Variants in SEMA3D observed in about 807,000 individuals in gnomAD.
SEMA3D encodes semaphorin 3D, also known as semaphorin-3D.
In SEMA3D, 84 loss-of-function variants were observed where a neutral mutation model predicts 100.1. That is an observed-to-expected ratio of 0.84 (90% CI 0.70 to 1.01). The LOEUF (loss-of-function observed/expected upper bound fraction) is 1.01, where lower values mean the gene tolerates loss of function less well. Ranked by LOEUF, SEMA3D falls within the 50% of genes least tolerant of loss-of-function variation. The pLI is 0.00. For synonymous variants in SEMA3D, 312 were observed against 320.7 expected (o/e 0.97, Z 0.29); for missense variants, 875 against 934.1 (o/e 0.94, Z 0.82).
At chr7:85,050,644 C>G in intron 9 of SEMA3D, 1 of 427,238 alleles carries the variant, frequency 2.3e-6, no homozygotes, top group South Asian at 6.0e-5. Flanking sequence ...TATCTCTTGA[C>G]CAAAATTTGC....
chr7:85,062,157 T>G (rs1791495959), intron 8 of SEMA3D, among the ~76,000 whole-genome samples: 1 of 152,232 alleles, frequency 6.6e-6, no homozygotes, highest in Non-Finnish European at 1.5e-5. Context: ...GCTAGCTGTT[T>G]AACTATGAAC....
chr7:85,151,594 TATGC>T (rs1790420694), intron 2 of SEMA3D: 3 of 896,058 alleles, frequency 3.3e-6, no homozygotes, highest in Non-Finnish European at 3.8e-6. Flanking sequence ...TGCATGTGTG[TATGC>T]GTGTGTGTGT....
intron 6 of SEMA3D, 36 bp downstream of exon 6, chr7:85,072,926 A>G: frequency 1.3e-6 from 2 of 1,527,480 alleles, no homozygotes; most frequent in Non-Finnish European, 1.8e-6. Context: ...ATGTATTACA[A>G]TAAATTATGC....
chr7:85,224,279 T>C, the SEMA3D span, among the ~76,000 whole-genome samples: 1 of 152,122 alleles, frequency 6.6e-6, no homozygotes, highest in African/African-American at 2.4e-5. Context: ...AAAACTGAAG[T>C]CCAGAGAATT....
chr7:85,153,072 C>T (rs1247705598), intron 2 of SEMA3D, among the ~76,000 whole-genome samples: 2 of 152,142 alleles, frequency 1.3e-5, no homozygotes, highest in African/African-American at 2.4e-5. Flanking sequence ...AGGAACTCTG[C>T]CATTCTCATA....
chr7:85,140,432 T>A (rs1413251987), intron 2 of SEMA3D: 2 of 983,696 alleles, frequency 2.0e-6, no homozygotes, highest in Non-Finnish European at 2.4e-6. Flanking sequence ...ATGAAGGGAC[T>A]AGTGATGATG....
chr7:85,200,741 T>C, the SEMA3D span, among the ~76,000 whole-genome samples: 1 of 152,180 alleles, frequency 6.6e-6, no homozygotes, highest in Admixed American at 6.5e-5. Context: ...CAGGGCATGA[T>C]AGAGGTCTTC....
chr7:85,094,761 G>A (rs368248628), intron 4 of SEMA3D, among the ~76,000 whole-genome samples: 3 of 151,986 alleles, frequency 2.0e-5, no homozygotes, highest in South Asian at 2.1e-4. Flanking sequence ...TCCAGACCCC[G>A]TCCCAGAGAA....
chr7:85,101,430 T>G (rs942528016), intron 3 of SEMA3D, among the ~76,000 whole-genome samples: 4 of 151,988 alleles, frequency 2.6e-5, no homozygotes, highest in Non-Finnish European at 5.9e-5. Context: ...AATATGAATT[T>G]TAGGTTCAGG....
chr7:84,999,160 A>C lies in SEMA3D; in HGVS notation c.*280T>G. The C allele has an allele frequency of 2.4e-6, 1 of 422,034 alleles. No homozygotes were observed. Among genetic ancestry groups the C allele is most frequent in the Non-Finnish European group, 4.3e-6 (1 of 235,010 alleles). 26.1% of individuals were successfully genotyped at this position (422,034 alleles called of 1,614,324 possible). The stretch of plus-strand genomic sequence containing the variant: ...TTAGCTCAACTATTTACATGACAAT[A>C]AATTCCAAAACTCAAAACATAAAAC... On this transcript the variant is annotated 3_prime_UTR_variant, in exon 19 of 19. Coordinates refer to ENST00000284136, the MANE Select transcript of SEMA3D (RefSeq NM_001384900.1).
intron 5 of SEMA3D, among the ~76,000 whole-genome samples, chr7:85,079,795 T>G (rs1459634451): frequency 1.3e-5 from 2 of 152,214 alleles, no homozygotes; most frequent in Non-Finnish European, 2.9e-5. Context: ...AAAATGTTCA[T>G]GCTGGTTATG....
At chr7:85,083,582 C>T (rs896492469) in intron 4 of SEMA3D, among the ~76,000 whole-genome samples, 4 of 152,150 alleles carry the variant, frequency 2.6e-5, no homozygotes, top group Non-Finnish European at 4.4e-5. Context: ...CGGTGGCTCA[C>T]GCCTGTAATC....
intron 2 of SEMA3D, among the ~76,000 whole-genome samples, chr7:85,123,326 A>AT (rs1202214759): frequency 1.3e-5 from 2 of 152,154 alleles, no homozygotes; most frequent in Non-Finnish European, 2.9e-5. Context: ...TTATTTGATG[A>AT]TAGATTTATT....
rs531265122 is a variant in SEMA3D at position 85,100,570 on chromosome 7, T to C, written c.152-2605A>G. Among the ~76,000 whole-genome samples the C allele has an allele frequency of 2.6e-5, 4 of 152,048 alleles. No individual in the cohort carries two copies. The East Asian group carries it at 7.8e-4, about 30-fold the overall frequency. ...TTAAAAGTAGCCTATTATTAATTGA[T>C]GAGAAAGATAAAAAGAGATAATGTC... On this transcript the variant is annotated intron_variant, in intron 3 of 18. Transcript: ENST00000284136.
At chr7:85,246,960 T>A in the SEMA3D span, among the ~76,000 whole-genome samples, 23 of 150,434 alleles carry the variant, frequency 1.5e-4, no homozygotes, top group African/African-American at 5.2e-4. Flanking sequence ...AAAAAAAAAA[T>A]AATGCTGAAA....
chr7:85,123,706 T>C (rs1431180798), intron 2 of SEMA3D, among the ~76,000 whole-genome samples: 1 of 152,112 alleles, frequency 6.6e-6, no homozygotes, highest in Non-Finnish European at 1.5e-5. Context: ...CATCAATCAT[T>C]ACATTTCATT....
chr7:85,117,064 C>T (rs1473506224), intron 3 of SEMA3D, among the ~76,000 whole-genome samples: 1 of 152,024 alleles, frequency 6.6e-6, no homozygotes, highest in Non-Finnish European at 1.5e-5. Flanking sequence ...ATGTTGCAAC[C>T]AATAGAATAC....
rs964118521 is a variant in SEMA3D, at chr7:85,186,904, C to G, written c.-399G>C. ...AGGCAGGGGGCGCTGCTGCCTCCCC[C>G]GAGAGCCGCGCTAGGACAGGCGGAG... is the stretch of plus-strand genomic sequence containing the variant. On this transcript the variant is annotated 5_prime_UTR_variant, in exon 1 of 19. Transcript: ENST00000284136. 6.6e-6 allele frequency: 1 copy of G among 152,176 alleles called. No individual in the cohort carries two copies. The highest frequency in any genetic ancestry group is 2.4e-5 in the African/African-American group (1 of 41,406). The allele number at this position is 152,176 out of a possible 1,614,324, so 9.4% of individuals were successfully genotyped here.
the SEMA3D span, among the ~76,000 whole-genome samples, chr7:85,231,519 C>T: frequency 6.9e-6 from 1 of 144,626 alleles, no homozygotes; most frequent in Non-Finnish European, 1.5e-5. Flanking sequence ...GGGGCGATCT[C>T]GGCTCACTGC....
Sources: gnomAD v4.1 joint callset for allele counts (sites outside exome capture counted in the v4.1 genomes callset) on GRCh38, gnomAD v4.1.1 for gene constraint, MANE v1.5 for transcripts, NCBI Gene and HGNC (gene_info 2026-07-23, HGNC 2026-07-21) for gene names.